ABLIM2: variants seen among roughly 807,000 people sequenced by gnomAD.
ABLIM2 encodes the protein actin-binding LIM protein 2.
Under a neutral mutation model 97.7 loss-of-function variants are expected in ABLIM2, and 53 were observed. The observed-to-expected ratio is 0.54, with a 90% CI of 0.44 to 0.68. The LOEUF (loss-of-function observed/expected upper bound fraction) is 0.68. Among genes scored for constraint, ABLIM2 ranks in the 30% least tolerant of loss-of-function variants. The pLI, the probability that ABLIM2 is intolerant of heterozygous loss-of-function variation, is 0.00. For missense variants in ABLIM2, 835 were observed against 867.2 expected, an observed-to-expected ratio of 0.96 and a Z score of 0.47; for synonymous variants, 361 against 345.8, an observed-to-expected ratio of 1.04 and a Z score of -0.49.
chr4:8,157,589 C>G (rs535652085), intron 1 of ABLIM2, among the ~76,000 whole-genome samples: 2 of 152,238 alleles, frequency 1.3e-5, no homozygotes, highest in Non-Finnish European at 2.9e-5. Flanking sequence ...TTAGCCCCCG[C>G]CCCCTTCTAG....
chr4:8,092,914 T>A (rs1391683788), intron 3 of ABLIM2, among the ~76,000 whole-genome samples: 1 of 152,190 alleles, frequency 6.6e-6, no homozygotes, highest in East Asian at 1.9e-4. Flanking sequence ...AGTGGCGTGA[T>A]CTTGGCTCTC....
chr4:8,141,109 G>T (rs555304453), intron 1 of ABLIM2, among the ~76,000 whole-genome samples: 1 of 152,078 alleles, frequency 6.6e-6, no homozygotes, highest in Admixed American at 6.5e-5. Context: ...AGCGGGAAGG[G>T]ACTGGGACTG....
At chr4:8,009,834 GC>G (rs1456677715) in intron 14 of ABLIM2, among the ~76,000 whole-genome samples, 6 of 152,216 alleles carry the variant, frequency 3.9e-5, no homozygotes, top group Non-Finnish European at 7.3e-5. Context: ...GCAGGAAGAA[GC>G]TTTGCACCAT....
chr4:8,118,860 G>A (rs1042940517), intron 1 of ABLIM2, among the ~76,000 whole-genome samples: 2 of 152,196 alleles, frequency 1.3e-5, no homozygotes, highest in Non-Finnish European at 1.5e-5. Flanking sequence ...CTTGTGCTGA[G>A]CTCTGCACTG....
chr4:8,122,052 G>A lies in ABLIM2; in HGVS notation c.11-15415C>T, dbSNP rs1401033554. Among the ~76,000 whole-genome samples, 2 of 152,202 alleles carry A rather than the reference G, an allele frequency of 1.3e-5. No individual in the cohort carries two copies. The highest frequency in any genetic ancestry group is 2.4e-5 in the African/African-American group (1 of 41,452). On this transcript the variant is annotated intron_variant, in intron 1 of 20. Transcript: ENST00000447017. This position sits in a 1 kb window ranked among gnomAD's most constrained non-coding sequence, Gnocchi z 4.1. ...ACTCTCTCTCCAGGCAGCTGCTGTG[G>A]TACATGTCCCCAGTGCAGGGACCTG...
intron 20 of ABLIM2, among the ~76,000 whole-genome samples, chr4:7,976,320 G>A (rs1310694307): frequency 6.6e-6 from 1 of 152,106 alleles, no homozygotes; most frequent in Non-Finnish European, 1.5e-5. Context: ...ACACTCACCA[G>A]TCCACAAACA....
rs931987756 is a variant in ABLIM2, at chr4:7,992,010, CTATT to C, written c.1680+852_1680+855del. Among the ~76,000 whole-genome samples, 1 of 152,296 alleles carries C rather than the reference CTATT, an allele frequency of 6.6e-6. No homozygotes were observed. Among genetic ancestry groups the C allele is most frequent in the African/African-American group, 2.4e-5 (1 of 41,552 alleles). On this transcript the variant is annotated intron_variant, in intron 17 of 20. Transcript: ENST00000447017. This position sits in a 1 kb window ranked among gnomAD's most constrained non-coding sequence, Gnocchi z 5.7. ...GCCTCGGTTGAGAGGTGAATTGCCT[CTATT>C]TATGAACAAATTTCCAGACTGGGAC...
At chr4:8,051,592 A>G (rs1217840768) in intron 8 of ABLIM2, among the ~76,000 whole-genome samples, 1 of 151,880 alleles carries the variant, frequency 6.6e-6, no homozygotes, top group Non-Finnish European at 1.5e-5. Flanking sequence ...AAAGAAAAGA[A>G]ATTATTTTAG....
intron 17 of ABLIM2, among the ~76,000 whole-genome samples, chr4:7,987,956 C>T (rs1032002757): frequency 2.0e-5 from 3 of 152,166 alleles, no homozygotes; most frequent in Non-Finnish European, 4.4e-5. Flanking sequence ...CTCCCCTACG[C>T]CGCTCAGTGC....
Position 8,029,675 on chromosome 4 carries a change from T to C in ABLIM2, c.1149A>G (p.Pro383=). ...LGRYTPTSRS[P]QHYSRPAGTV... is the part of the protein sequence containing the mutation. The stretch of plus-strand genomic sequence containing the variant: ...AAGTACCTGGACGGCTGTAGTGCTG[T>C]GGTGACCGTGAGGTCGGAGTGTAGC... Residue 383 remains proline, a synonymous_variant, in exon 11 of 21, where the codon CCA becomes CCG. Coordinates refer to ENST00000447017, the MANE Select transcript of ABLIM2 (RefSeq NM_001130083.2). 6.5e-7 allele frequency: 1 copy of C among 1,548,686 alleles called. No homozygotes were observed.
intron 16 of ABLIM2, among the ~76,000 whole-genome samples, chr4:8,006,275 C>T (rs1761238431): frequency 6.6e-6 from 1 of 152,238 alleles, no homozygotes; most frequent in African/African-American, 2.4e-5. Flanking sequence ...TCCCACACAG[C>T]ACCCCCCTCT....
Position 8,140,566 on chromosome 4 carries a change from A to G in ABLIM2, c.10+18114T>C, listed in dbSNP as rs1050972757. On this transcript the variant is annotated intron_variant, in intron 1 of 20. Coordinates refer to ENST00000447017, the MANE Select transcript of ABLIM2 (RefSeq NM_001130083.2). This position sits in a 1 kb window ranked among gnomAD's most constrained non-coding sequence, Gnocchi z 5.9. ...CGTGGCCTCTCTTTAACCGGCTTCA[A>G]TGCCCCTTCAAAAACAAACGCGCAT... Among the ~76,000 whole-genome samples, 3 of 152,178 alleles carry G rather than the reference A, an allele frequency of 2.0e-5. No homozygotes were observed. Among genetic ancestry groups the G allele is most frequent in the African/African-American group, 7.2e-5 (3 of 41,432 alleles).
chr4:8,158,538 C>T, intron 1 of ABLIM2, 142 bp downstream of exon 1: 2 of 1,116,444 alleles, frequency 1.8e-6, no homozygotes, highest in African/African-American at 1.6e-5. Context: ...CTCGGGGCTG[C>T]AAAATCCTGG....
chr4:8,129,270 C>T (rs562873003), intron 1 of ABLIM2, among the ~76,000 whole-genome samples: 23 of 152,278 alleles, frequency 1.5e-4, no homozygotes, highest in Admixed American at 1.1e-3. Context: ...ACGTATGCCC[C>T]GCCCCCTCTG....
intron 1 of ABLIM2, among the ~76,000 whole-genome samples, chr4:8,144,484 T>TGAGCTGCGAGAAA (rs1461025391): frequency 1.3e-5 from 2 of 151,574 alleles, no homozygotes; most frequent in African/African-American, 4.9e-5. Flanking sequence ...ACTCCCGCGC[T>TGAGCTGCGAGAAA]GAGCTGCGAG....
intron 14 of ABLIM2, among the ~76,000 whole-genome samples, chr4:8,017,301 A>ATT (rs199555557): frequency 6.8e-5 from 9 of 133,200 alleles, no homozygotes; most frequent in Middle Eastern, 3.7e-3. Context: ...TATTATTATT[A>ATT]TTTTTTTTTT....
chr4:8,087,983 C>G lies in ABLIM2; in HGVS notation c.454+186G>C, dbSNP rs1018414520. ...GAGACCAAGCCCCCAACTCAGCACC[C>G]CCCCCACAACCAGCAAGCCCCCACT... On this transcript the variant is annotated intron_variant, in intron 4 of 20. Transcript: ENST00000447017. This position sits in a 1 kb window ranked among gnomAD's most constrained non-coding sequence, Gnocchi z 4.6. 7.1e-5 allele frequency among the ~76,000 whole-genome samples: 9 copies of G among 127,574 alleles called. No individual in the cohort carries two copies. The East Asian group carries it at 8.7e-4, about 12-fold the overall frequency. The allele number at this position is 127,574 out of a possible 152,430, so 83.7% of individuals were successfully genotyped here.
chr4:8,084,209 G>A (rs984453845), intron 4 of ABLIM2, among the ~76,000 whole-genome samples: 5 of 152,308 alleles, frequency 3.3e-5, no homozygotes, highest in African/African-American at 7.2e-5. Context: ...GATAAAACAC[G>A]TTCAAGTTCG....
Position 8,149,949 on chromosome 4 carries a change from C to T in ABLIM2, c.10+8731G>A, listed in dbSNP as rs1712065070. 6.6e-6 allele frequency among the ~76,000 whole-genome samples: 1 copy of T among 152,096 alleles called. No individual in the cohort carries two copies. The highest frequency in any genetic ancestry group is 6.5e-5 in the Admixed American group (1 of 15,274). ...AGTGGTGGCCCCCATCCAAATGCCC[C>T]CTCCTGGCTTCCCCTCCCTTCCCCC... On this transcript the variant is annotated intron_variant, in intron 1 of 20. Coordinates refer to ENST00000447017, the MANE Select transcript of ABLIM2 (RefSeq NM_001130083.2). The surrounding 1 kb of genome is among the most constrained non-coding windows in gnomAD (Gnocchi z 6.4).
Sources: gnomAD v4.1 joint callset for allele counts (sites outside exome capture counted in the v4.1 genomes callset) on GRCh38, gnomAD v4.1.1 for gene constraint, Gnocchi (gnomAD v3.1) non-coding constraint, MANE v1.5 for transcripts, NCBI Gene and HGNC (gene_info 2026-07-23, HGNC 2026-07-21) for gene names.